The following PDE3A variants were observed in gnomAD, a reference collection of about 807,000 sequenced individuals.
The protein encoded by PDE3A is cGMP-inhibited 3',5'-cyclic phosphodiesterase 3A.
PDE3A carries 43 observed loss-of-function variants against 98.3 expected under a neutral mutation model. The ratio of observed to expected loss-of-function variants is 0.44; its 90% CI spans 0.34 to 0.56. PDE3A has a LOEUF of 0.56. Ranked by LOEUF, PDE3A falls within the 20% of genes least tolerant of loss-of-function variation. PDE3A has a pLI of 0.01. For missense variants in PDE3A, 1,427 were observed against 1,440.7 expected, an observed-to-expected ratio of 0.99 and a Z score of 0.15; for synonymous variants, 663 against 567.9, an observed-to-expected ratio of 1.17 and a Z score of -2.38.
At chr12:20,626,403 A>G (rs1196686716) in intron 5 of PDE3A, among the ~76,000 whole-genome samples, 1 of 150,086 alleles carries the variant, frequency 6.7e-6, no homozygotes. Context: ...AAGAGAACTT[A>G]TACTTTTATA....
At chr12:20,462,926 C>G (rs1945277833) in intron 1 of PDE3A, among the ~76,000 whole-genome samples, 1 of 151,952 alleles carries the variant, frequency 6.6e-6, no homozygotes, top group Admixed American at 6.6e-5. Context: ...AGTATACCAC[C>G]ATGCCAGGCT....
At chr12:20,535,680 T>C (rs1941730695) in intron 1 of PDE3A, among the ~76,000 whole-genome samples, 1 of 152,158 alleles carries the variant, frequency 6.6e-6, no homozygotes, top group East Asian at 1.9e-4. Flanking sequence ...ATATTTTTCT[T>C]CCCTATTAAA....
At position 20,648,597 on chromosome 12, in the gene PDE3A, TA is replaced by T; in HGVS notation, c.2566-86del. 3.6e-6 allele frequency: 3 copies of T among 825,278 alleles called. 1 individual carries two copies. In the Middle Eastern group the frequency reaches 1.1e-3, roughly 293 times the overall value. 51.1% of individuals were successfully genotyped at this position (825,278 alleles called of 1,614,324 possible). A position where few individuals can be genotyped will look rare whatever the true frequency, so the allele number is the denominator to read the frequency against. ...TGATTACATTTCTTTGTTGTATGAA[TA>T]AAAAGCAATTTCAAAAGCATTGCAT... is the stretch of plus-strand genomic sequence containing the variant. On this transcript the variant is annotated intron_variant, in intron 12 of 15. Transcript: ENST00000359062.
intron 1 of PDE3A, chr12:20,449,538 T>C (rs1591944717): frequency 4.1e-6 from 1 of 246,298 alleles, no homozygotes; most frequent in Non-Finnish European, 8.2e-6. Context: ...TGGTAGGCGG[T>C]GGCACGTGTC....
intron 1 of PDE3A, among the ~76,000 whole-genome samples, chr12:20,430,237 G>A (rs947993677): frequency 1.3e-5 from 2 of 152,180 alleles, no homozygotes; most frequent in Non-Finnish European, 2.9e-5. Flanking sequence ...TTGTTTCATT[G>A]TCTATCAAAG....
intron 2 of PDE3A, among the ~76,000 whole-genome samples, chr12:20,601,228 C>T (rs987940169): frequency 2.6e-4 from 36 of 140,896 alleles, no homozygotes; most frequent in Non-Finnish European, 4.9e-4. Flanking sequence ...AGCTCCAAGG[C>T]TTTTTGTTTG....
Position 20,620,750 on chromosome 12 carries a change from C to A in PDE3A, c.1425-546C>A, listed in dbSNP as rs546371739. Among the ~76,000 whole-genome samples the A allele has an allele frequency of 4.6e-5, 7 of 152,020 alleles. No individual in the cohort carries two copies. The East Asian group carries it at 1.4e-3, about 29-fold the overall frequency. The stretch of plus-strand genomic sequence containing the variant: ...GCATCAGCTCCATTGTTGGCATGTC[C>A]CTTTTTACAAATTCCCTTGTAAAAA... On this transcript the variant is annotated intron_variant, in intron 4 of 15. Transcript: ENST00000359062.
At chr12:20,621,663 A>G (rs756727455) in intron 5 of PDE3A, among the ~76,000 whole-genome samples, 1 of 152,126 alleles carries the variant, frequency 6.6e-6, no homozygotes, top group Non-Finnish European at 1.5e-5. Flanking sequence ...AATTAGATGC[A>G]TAGGAAATCA....
intron 1 of PDE3A, among the ~76,000 whole-genome samples, chr12:20,373,666 A>G (rs931911430): frequency 1.3e-5 from 2 of 152,162 alleles, no homozygotes; most frequent in Non-Finnish European, 2.9e-5. Context: ...GGTTTCAGGT[A>G]AATACAAAGG....
At chr12:20,459,431 T>A (rs1945210524) in intron 1 of PDE3A, among the ~76,000 whole-genome samples, 1 of 152,118 alleles carries the variant, frequency 6.6e-6, no homozygotes, top group Admixed American at 6.6e-5. Context: ...ATAAAATAAG[T>A]ATAAGTATGT....
At chr12:20,402,666 A>G (rs568514071) in intron 1 of PDE3A, among the ~76,000 whole-genome samples, 2 of 152,338 alleles carry the variant, frequency 1.3e-5, no homozygotes, top group South Asian at 2.1e-4. Flanking sequence ...ATAAACACTA[A>G]AAAATTTTGA....
In PDE3A at chr12:20,686,705, T is replaced by C. The variant is rs1036342956; in HGVS notation, c.*6434T>C. ...GGAGGAAAGCATGGCTTCTCTTCAA[T>C]TATACTTCTCTTACTCAATATTAGT... On this transcript the variant is annotated 3_prime_UTR_variant, in exon 16 of 16. Coordinates refer to ENST00000359062, the MANE Select transcript of PDE3A (RefSeq NM_000921.5). Among the ~76,000 whole-genome samples, 14 of 152,102 alleles carry C rather than the reference T, an allele frequency of 9.2e-5. No individual in the cohort carries two copies. The highest frequency in any genetic ancestry group is 2.9e-4 in the African/African-American group (12 of 41,446).
intron 1 of PDE3A, among the ~76,000 whole-genome samples, chr12:20,384,758 A>G (rs1943721199): frequency 6.6e-6 from 1 of 151,890 alleles, no homozygotes; most frequent in Admixed American, 6.6e-5. Context: ...TTCAGCTCCC[A>G]CTTATAAGTG....
At chr12:20,553,048 C>G in intron 1 of PDE3A, 2 of 1,313,090 alleles carry the variant, frequency 1.5e-6, no homozygotes, top group Non-Finnish European at 2.1e-6. Context: ...TTGCTGAAAA[C>G]GTGTCGGAGG....
intron 15 of PDE3A, among the ~76,000 whole-genome samples, chr12:20,656,236 A>G (rs577408922): frequency 2.2e-4 from 33 of 152,352 alleles, no homozygotes; most frequent in African/African-American, 7.2e-4. Context: ...GCCTATTTTT[A>G]TCACAGTCAG....
chr12:20,429,330 T>C (rs1397517245), intron 1 of PDE3A, among the ~76,000 whole-genome samples: 4 of 152,226 alleles, frequency 2.6e-5, no homozygotes, highest in Admixed American at 6.5e-5. Flanking sequence ...CTTCTTTTTT[T>C]CTTCAGTTAT....
At chr12:20,410,513 C>G (rs568610373) in intron 1 of PDE3A, among the ~76,000 whole-genome samples, 1 of 152,104 alleles carries the variant, frequency 6.6e-6, no homozygotes, top group African/African-American at 2.4e-5. Context: ...GAAGCTACAC[C>G]GTGATCCTGC....
At chr12:20,451,729 G>A (rs1220371810) in intron 1 of PDE3A, among the ~76,000 whole-genome samples, 4 of 152,120 alleles carry the variant, frequency 2.6e-5, no homozygotes, top group Admixed American at 6.6e-5. Context: ...CACAATACAC[G>A]GCACCCCAGC....
chr12:20,531,297 G>C (rs1388234435), intron 1 of PDE3A, among the ~76,000 whole-genome samples: 2 of 152,108 alleles, frequency 1.3e-5, no homozygotes, highest in East Asian at 3.9e-4. Flanking sequence ...TATAAGTGGT[G>C]ATCCCTTTAT....
Sources: allele counts gnomAD v4.1 joint callset (sites outside exome capture counted in the v4.1 genomes callset), GRCh38; gene constraint gnomAD v4.1.1; transcripts MANE v1.5; gene names NCBI Gene and HGNC (gene_info 2026-07-23, HGNC 2026-07-21).